Variants in LRMDA observed in about 807,000 individuals in gnomAD.
LRMDA encodes the protein leucine-rich melanocyte differentiation-associated protein.
LRMDA carries 18 observed loss-of-function variants against 29.8 expected under a neutral mutation model. That is an observed-to-expected ratio of 0.60 (90% CI 0.42 to 0.90). The LOEUF is 0.90. LRMDA is among the 40% of genes least tolerant of loss of function. The pLI, the probability that LRMDA is intolerant of heterozygous loss-of-function variation, is 0.00. For missense variants in LRMDA, 273 were observed against 273.9 expected (o/e 1.00, Z 0.02); for synonymous variants, 125 against 109.4 (o/e 1.14, Z -0.89).
At chr10:76,017,856 A>G (rs1174530966) in intron 2 of LRMDA, among the ~76,000 whole-genome samples, 1 of 152,204 alleles carries the variant, frequency 6.6e-6, no homozygotes, top group African/African-American at 2.4e-5. Context: ...CTGAGAGCTA[A>G]TGAGAGCTGA....
chr10:76,212,509 C>A (rs1206713421), intron 5 of LRMDA, among the ~76,000 whole-genome samples: 1 of 152,078 alleles, frequency 6.6e-6, no homozygotes, highest in Non-Finnish European at 1.5e-5. Context: ...AATTCATTCA[C>A]ACCCCAATAA....
At chr10:75,772,715 G>C (rs1310650060) in intron 2 of LRMDA, among the ~76,000 whole-genome samples, 1 of 152,114 alleles carries the variant, frequency 6.6e-6, no homozygotes, top group African/African-American at 2.4e-5. Flanking sequence ...GCTGTGGAAG[G>C]GCCCAAAAGG....
At chr10:75,742,597 A>G (rs1459811297) in intron 2 of LRMDA, 3 of 152,256 alleles carry the variant, frequency 2.0e-5, no homozygotes, top group East Asian at 3.8e-4. Context: ...TTTTTCTTAC[A>G]GAAGCCTCTG....
rs572983659 is a variant in LRMDA at position 75,878,598 on chromosome 10, A to G, written c.132-157410A>G. ...GGTCTTGGGTTTTTATGAGCACAGG[A>G]TTGGGGGCATGGTGGGCCAGAGTGG... is the stretch of plus-strand genomic sequence containing the variant. On this transcript the variant is annotated intron_variant, in intron 2 of 6. Coordinates refer to ENST00000611255, the MANE Select transcript of LRMDA (RefSeq NM_001305581.2). 5.3e-5 allele frequency among the ~76,000 whole-genome samples: 8 copies of G among 152,096 alleles called. No homozygotes were observed. In the South Asian group the frequency reaches 1.7e-3, roughly 32 times the overall value.
At chr10:75,798,721 C>T (rs1192350242) in intron 2 of LRMDA, among the ~76,000 whole-genome samples, 1 of 151,848 alleles carries the variant, frequency 6.6e-6, no homozygotes, top group Non-Finnish European at 1.5e-5. Flanking sequence ...TTTTACATCC[C>T]TGATGTTTTA....
intron 2 of LRMDA, among the ~76,000 whole-genome samples, chr10:75,862,018 A>G (rs1336730078): frequency 6.6e-6 from 1 of 152,150 alleles, no homozygotes; most frequent in Non-Finnish European, 1.5e-5. Context: ...GGACGTTCCA[A>G]TTCATGCCAC....
chr10:76,222,804 G>C (rs1048410286), intron 5 of LRMDA, among the ~76,000 whole-genome samples: 4 of 152,106 alleles, frequency 2.6e-5, no homozygotes, highest in Non-Finnish European at 5.9e-5. Context: ...CTGCTATAAA[G>C]ACACATGCAC....
intron 6 of LRMDA, among the ~76,000 whole-genome samples, chr10:76,385,253 A>C (rs1841645440): frequency 6.6e-6 from 1 of 152,086 alleles, no homozygotes; most frequent in African/African-American, 2.4e-5. Context: ...TTTACCTGAA[A>C]CTTTTATTTT....
At chr10:75,792,359 G>A (rs1223920350) in intron 2 of LRMDA, among the ~76,000 whole-genome samples, 1 of 152,018 alleles carries the variant, frequency 6.6e-6, no homozygotes, top group East Asian at 1.9e-4. Flanking sequence ...CCGCCTCCCG[G>A]GTTCAAGTGA....
At chr10:75,580,530 C>T (rs1840574269) in intron 2 of LRMDA, among the ~76,000 whole-genome samples, 1 of 152,168 alleles carries the variant, frequency 6.6e-6, no homozygotes, top group Non-Finnish European at 1.5e-5. Flanking sequence ...TCCCATCAAG[C>T]CACCATTAAC....
intron 2 of LRMDA, among the ~76,000 whole-genome samples, chr10:75,462,565 C>T (rs1251180083): frequency 6.6e-6 from 1 of 152,186 alleles, no homozygotes; most frequent in African/African-American, 2.4e-5. Flanking sequence ...CCTTAAATTA[C>T]TCAGAGAGGG....
At chr10:76,157,204 C>T (rs1850553905) in intron 5 of LRMDA, among the ~76,000 whole-genome samples, 1 of 152,128 alleles carries the variant, frequency 6.6e-6, no homozygotes, top group Non-Finnish European at 1.5e-5. Context: ...AAAGATGATC[C>T]AGTTTCCACG....
At chr10:75,830,862 T>C (rs1048252355) in intron 2 of LRMDA, among the ~76,000 whole-genome samples, 21 of 152,122 alleles carry the variant, frequency 1.4e-4, no homozygotes, top group African/African-American at 4.8e-4. Flanking sequence ...ATCCAAAGTC[T>C]CATCTGAGAC....
intron 2 of LRMDA, among the ~76,000 whole-genome samples, chr10:75,523,788 C>T (rs1446714961): frequency 6.6e-6 from 1 of 152,178 alleles, no homozygotes; most frequent in East Asian, 1.9e-4. Flanking sequence ...CTGTGCCATC[C>T]TTCTCCCTTC....
At position 76,218,390 on chromosome 10, in the gene LRMDA, C is replaced by T. The variant is rs577094650; in HGVS notation, c.517-106011C>T. ...GACCCGGAAGATATTAAAATAAAAA[C>T]AGCTTGTGGTGTTCTTTTTGTCCTG... On this transcript the variant is annotated intron_variant, in intron 5 of 6. Coordinates refer to ENST00000611255, the MANE Select transcript of LRMDA (RefSeq NM_001305581.2). Among the ~76,000 whole-genome samples, 51 of 152,210 alleles carry T rather than the reference C, an allele frequency of 3.4e-4. 1 individual carries two copies. The highest frequency in any genetic ancestry group is 2.9e-5 in the Non-Finnish European group (2 of 68,038).
At chr10:76,060,805 C>T (rs2132057148) in intron 5 of LRMDA, among the ~76,000 whole-genome samples, 1 of 152,318 alleles carries the variant, frequency 6.6e-6, no homozygotes, top group Non-Finnish European at 1.5e-5. Context: ...TTAGCAACAT[C>T]AGCAGAAATG....
At chr10:75,990,658 A>G (rs1847351918) in intron 2 of LRMDA, among the ~76,000 whole-genome samples, 2 of 152,232 alleles carry the variant, frequency 1.3e-5, no homozygotes, top group Non-Finnish European at 2.9e-5. Context: ...CCCTTCTGGC[A>G]TTATATTTAC....
intron 6 of LRMDA, among the ~76,000 whole-genome samples, chr10:76,334,740 C>T (rs1172215071): frequency 6.6e-6 from 1 of 152,106 alleles, no homozygotes; most frequent in Non-Finnish European, 1.5e-5. Flanking sequence ...TTCCCTTGCT[C>T]AGAATTCCAT....
At chr10:76,254,338 A>C (rs56125117) in intron 5 of LRMDA, among the ~76,000 whole-genome samples, 3 of 91,246 alleles carry the variant, frequency 3.3e-5, no homozygotes, top group African/African-American at 1.2e-4. Flanking sequence ...ACCATACCAT[A>C]CCATCCTATC....
Sources: gnomAD v4.1 joint callset for allele counts (sites outside exome capture counted in the v4.1 genomes callset) on GRCh38, gnomAD v4.1.1 for gene constraint, MANE v1.5 for transcripts, NCBI Gene and HGNC (gene_info 2026-07-23, HGNC 2026-07-21) for gene names.